LOC112694756: variants seen among roughly 807,000 people sequenced by gnomAD.
chr16:30,063,964 G>T, the LOC112694756 span: 267 of 398,950 alleles, frequency 6.7e-4, 1 homozygote, highest in African/African-American at 4.8e-3. Context: ...CCCAGGCCTG[G>T]GAACTGGAAG....
At chr16:30,056,911 CTTTT>C in the LOC112694756 span, among the ~76,000 whole-genome samples, 1 of 137,578 alleles carries the variant, frequency 7.3e-6, no homozygotes, top group Non-Finnish European at 1.6e-5. Context: ...TCTACTTGCC[CTTTT>C]TTTTTTTTTT....
chr16:30,063,820 G>A, the LOC112694756 span: 1 of 399,290 alleles, frequency 2.5e-6, no homozygotes, highest in Non-Finnish European at 4.4e-6. Context: ...AACTGTCTCT[G>A]CTTCGAGATC....
chr16:30,067,703 G>A, the LOC112694756 span: 1 of 1,610,564 alleles, frequency 6.2e-7, no homozygotes. Flanking sequence ...AGATGGAAGT[G>A]GAGGAAGGAA....
chr16:30,070,203 C>T, the LOC112694756 span: 16 of 1,614,000 alleles, frequency 9.9e-6, no homozygotes, highest in Non-Finnish European at 1.2e-5. Flanking sequence ...TCTCTAACCA[C>T]GCCTATTAAG....
At chr16:30,054,832 C>T in the LOC112694756 span, 1 of 399,442 alleles carries the variant, frequency 2.5e-6, no homozygotes, top group East Asian at 3.6e-5. Context: ...CAGCAGCCCT[C>T]CCCTGCTGCT....
At chr16:30,060,911 A>C in the LOC112694756 span, among the ~76,000 whole-genome samples, 2 of 152,000 alleles carry the variant, frequency 1.3e-5, no homozygotes, top group Admixed American at 6.6e-5. Context: ...CCCTCCCCTC[A>C]CTGCAGCCCC....
chr16:30,058,135 AC>A, the LOC112694756 span, among the ~76,000 whole-genome samples: 1 of 152,120 alleles, frequency 6.6e-6, no homozygotes, highest in Non-Finnish European at 1.5e-5. Flanking sequence ...CACCTTCCCC[AC>A]AGAGGGCTGC....
At chr16:30,066,158 C>A in the LOC112694756 span, 1 of 152,366 alleles carries the variant, frequency 6.6e-6, no homozygotes, top group African/African-American at 2.4e-5. Context: ...AGATGAAGGA[C>A]CATTCTCCCC....
At chr16:30,068,045 C>T in the LOC112694756 span, 1 of 238,668 alleles carries the variant, frequency 4.2e-6, no homozygotes, top group Non-Finnish European at 8.3e-6. Flanking sequence ...ATTTGAGTAA[C>T]TAAACATTTT....
At chr16:30,061,548 C>CTTTTTTT in the LOC112694756 span, among the ~76,000 whole-genome samples, 26 of 65,626 alleles carry the variant, frequency 4.0e-4, 1 homozygote, top group South Asian at 9.8e-4. Flanking sequence ...CCTCCATTTC[C>CTTTTTTT]TTTTTTTTTT....
At chr16:30,059,287 G>A in the LOC112694756 span, among the ~76,000 whole-genome samples, 138 of 152,076 alleles carry the variant, frequency 9.1e-4, 1 homozygote, top group African/African-American at 3.3e-3. Flanking sequence ...CACAAGGTCA[G>A]GAGTTCGAGA....
At chr16:30,068,322 C>T in the LOC112694756 span, 3 of 371,840 alleles carry the variant, frequency 8.1e-6, no homozygotes, top group Non-Finnish European at 1.6e-5. Flanking sequence ...CCTCGGCCTC[C>T]CAAAGTGCTG....
the LOC112694756 span, chr16:30,069,769 G>T: frequency 6.2e-7 from 1 of 1,612,184 alleles, no homozygotes; most frequent in South Asian, 1.1e-5. Context: ...ACTTCCACCA[G>T]CTCCTGCCAG....
the LOC112694756 span, chr16:30,067,467 C>T: frequency 6.2e-7 from 1 of 1,613,356 alleles, no homozygotes; most frequent in Middle Eastern, 1.6e-4. Flanking sequence ...TGCCAAGCGG[C>T]TGCAGTCCAT....
the LOC112694756 span, among the ~76,000 whole-genome samples, chr16:30,054,153 G>C: frequency 6.6e-6 from 1 of 151,922 alleles, no homozygotes; most frequent in African/African-American, 2.4e-5. Flanking sequence ...AACCCCCTCT[G>C]TACTAAAAAT....
At chr16:30,070,009 G>C in the LOC112694756 span, 1 of 1,613,846 alleles carries the variant, frequency 6.2e-7, no homozygotes, top group Non-Finnish European at 8.5e-7. Context: ...TGCGCAGGAG[G>C]AGTATGTCAA....
At chr16:30,058,787 T>C in the LOC112694756 span, among the ~76,000 whole-genome samples, 1 of 152,166 alleles carries the variant, frequency 6.6e-6, no homozygotes, top group Non-Finnish European at 1.5e-5. Flanking sequence ...TGGCCTGCTC[T>C]GCTTCTTTCA....
At chr16:30,056,138 C>T in the LOC112694756 span, among the ~76,000 whole-genome samples, 3 of 126,162 alleles carry the variant, frequency 2.4e-5, no homozygotes, top group Admixed American at 2.9e-4. Flanking sequence ...GAGACGGAGT[C>T]TCGCTCTGTT....
the LOC112694756 span, among the ~76,000 whole-genome samples, chr16:30,061,303 G>A: frequency 1.2e-4 from 19 of 152,220 alleles, no homozygotes; most frequent in Admixed American, 1.2e-3. Flanking sequence ...GCCTAAAGAA[G>A]GCAAATGATA....
Sources: gnomAD v4.1 joint callset for allele counts (sites outside exome capture counted in the v4.1 genomes callset) on GRCh38, gnomAD v4.1.1 for gene constraint, MANE v1.5 for transcripts.